The following PTPN13 variants were observed in gnomAD, a reference collection of about 807,000 sequenced individuals.
The protein encoded by PTPN13 is protein tyrosine phosphatase non-receptor type 13.
In PTPN13, 191 loss-of-function variants were observed where a neutral mutation model predicts 284.0. The observed-to-expected ratio is 0.67, with a 90% CI of 0.60 to 0.76. The LOEUF is 0.76. Ranked by LOEUF, PTPN13 falls within the 30% of genes least tolerant of loss-of-function variation. The pLI is 0.00. For synonymous variants in PTPN13, 986 were observed against 1,022.3 expected, an observed-to-expected ratio of 0.96 and a Z score of 0.68; for missense variants, 2,797 against 2,939.9, an observed-to-expected ratio of 0.95 and a Z score of 1.12.
At chr4:86,683,500 G>C (rs1258507016) in intron 3 of PTPN13, among the ~76,000 whole-genome samples, 1 of 152,140 alleles carries the variant, frequency 6.6e-6, no homozygotes, top group African/African-American at 2.4e-5. Context: ...GCCTTCAACT[G>C]ACTGGAAAGG....
intron 6 of PTPN13, among the ~76,000 whole-genome samples, chr4:86,700,255 A>G (rs1324054190): frequency 6.6e-6 from 1 of 152,198 alleles, no homozygotes. Context: ...TCATTATTTT[A>G]TATTGTATAG....
intron 2 of PTPN13, among the ~76,000 whole-genome samples, chr4:86,652,948 T>C (rs1725266919): frequency 6.6e-6 from 1 of 151,996 alleles, no homozygotes; most frequent in Admixed American, 6.6e-5. Context: ...CTTTCTTATT[T>C]TTCCCCCGAC....
At chr4:86,698,107 T>C (rs529760139) in intron 6 of PTPN13, among the ~76,000 whole-genome samples, 2 of 152,308 alleles carry the variant, frequency 1.3e-5, no homozygotes, top group South Asian at 4.1e-4. Context: ...GCAATAATGT[T>C]AATTGGAAAT....
At chr4:86,652,447 G>A (rs1725199072) in intron 2 of PTPN13, among the ~76,000 whole-genome samples, 1 of 152,076 alleles carries the variant, frequency 6.6e-6, no homozygotes, top group Admixed American at 6.6e-5. Context: ...GGCACATCTA[G>A]TGCTACAAAA....
At chr4:86,758,862 T>A in intron 22 of PTPN13, 77 bp downstream of exon 22, 1 of 1,582,994 alleles carries the variant, frequency 6.3e-7, no homozygotes, top group Non-Finnish European at 8.6e-7. Context: ...ACTAAAATAA[T>A]TGAGAAAGAG....
chr4:86,768,759 G>A (rs1455264859), intron 28 of PTPN13, among the ~76,000 whole-genome samples: 4 of 143,980 alleles, frequency 2.8e-5, no homozygotes, highest in African/African-American at 5.2e-5. Context: ...TGCCCAGGCT[G>A]GAGTACAGTG....
intron 2 of PTPN13, among the ~76,000 whole-genome samples, chr4:86,645,719 T>G (rs1724343440): frequency 6.6e-6 from 1 of 152,304 alleles, no homozygotes; most frequent in Middle Eastern, 3.4e-3. Flanking sequence ...CTATGGTGTG[T>G]TCCTGTATCG....
At chr4:86,748,983 A>G (rs1355587578) in intron 17 of PTPN13, among the ~76,000 whole-genome samples, 1 of 152,154 alleles carries the variant, frequency 6.6e-6, no homozygotes, top group African/African-American at 2.4e-5. Context: ...ACAAAGGTGT[A>G]TTTTTAAAAG....
At chr4:86,737,573 C>T (rs568967620) in intron 15 of PTPN13, among the ~76,000 whole-genome samples, 6 of 152,054 alleles carry the variant, frequency 3.9e-5, no homozygotes, top group African/African-American at 1.4e-4. Context: ...ATACATAAAG[C>T]TCCCTCTTGT....
intron 19 of PTPN13, among the ~76,000 whole-genome samples, chr4:86,752,782 CAG>C (rs1445101907): frequency 6.6e-6 from 1 of 152,018 alleles, no homozygotes; most frequent in Non-Finnish European, 1.5e-5. Context: ...AAAGTATTGT[CAG>C]AAACAATATA....
intron 1 of PTPN13, 112 bp downstream of exon 1, chr4:86,594,901 C>T (rs556130141): frequency 1.3e-5 from 2 of 152,642 alleles, no homozygotes; most frequent in East Asian, 3.9e-4. Flanking sequence ...GTCCCTAAAC[C>T]CAACTCCTCG....
chr4:86,688,814 A>G (rs762309857), intron 4 of PTPN13, among the ~76,000 whole-genome samples, 191 bp from the exon 5 acceptor site: 4 of 152,178 alleles, frequency 2.6e-5, no homozygotes, highest in Non-Finnish European at 5.9e-5. Context: ...TAAGTTAACT[A>G]TCTTCTGCTA....
intron 3 of PTPN13, among the ~76,000 whole-genome samples, chr4:86,680,345 ATCTCTATC>A (rs1290256331): frequency 1.5e-5 from 2 of 133,938 alleles, no homozygotes; most frequent in African/African-American, 2.8e-5. Context: ...CTTTCTATCT[ATCTCTATC>A]TATCTATCTA....
chr4:86,613,633 C>CAAAAAAAAAAAAAAAAAAAAAAAAAA, intron 1 of PTPN13, among the ~76,000 whole-genome samples: 1 of 61,532 alleles, frequency 1.6e-5, no homozygotes, highest in African/African-American at 5.8e-5. Context: ...GACTCCGTCT[C>CAAAAAAAAAAAAAAAAAAAAAAAAAA]AAAAAAAAAA....
rs200880272 is a variant in PTPN13 at position 86,785,966 on chromosome 4, A to G, written c.6345+30A>G. The G allele has an allele frequency of 1.0e-4, 131 of 1,278,508 alleles. No individual in the cohort carries two copies. In the Admixed American group the frequency reaches 1.0e-3, roughly 10 times the overall value. 79.2% of individuals were successfully genotyped at this position (1,278,508 alleles called of 1,614,324 possible). The stretch of plus-strand genomic sequence containing the variant: ...CAATAATACCTAAACAACCTAGGAT[A>G]TGACAGCTTGTTACAATTATGGGTT... On this transcript the variant is annotated intron_variant, in intron 40 of 47. Transcript: ENST00000411767.
rs1415791933 is a variant in PTPN13, at chr4:86,594,727, C to T, written c.-68C>T. On this transcript the variant is annotated 5_prime_UTR_variant, in exon 1 of 48. It adds an upstream start codon to the 5' untranslated region. Transcript: ENST00000411767. The stretch of plus-strand genomic sequence containing the variant: ...GGCGGCTGCCGGCGGCCCGCCCCGA[C>T]GCCGCGTCCCTGCAGCCCTCGCCCG... 1 of 152,412 alleles carries T rather than the reference C, an allele frequency of 6.6e-6. No individual in the cohort carries two copies. Among genetic ancestry groups the T allele is most frequent in the Non-Finnish European group, 1.5e-5 (1 of 68,274 alleles). The allele number at this position is 152,412 out of a possible 1,614,324, so 9.4% of individuals were successfully genotyped here.
intron 2 of PTPN13, among the ~76,000 whole-genome samples, chr4:86,670,162 A>G (rs924613436): frequency 3.5e-5 from 5 of 142,088 alleles, no homozygotes; most frequent in African/African-American, 1.1e-4. Flanking sequence ...TTTCTTTTCT[A>G]TCTTAATTCT....
intron 24 of PTPN13, among the ~76,000 whole-genome samples, chr4:86,763,766 T>C (rs1279425569): frequency 6.6e-6 from 1 of 151,914 alleles, no homozygotes; most frequent in Non-Finnish European, 1.5e-5. Context: ...TAAAAAATTA[T>C]CCAGGCAAGG....
chr4:86,655,803 G>A (rs531184197), intron 2 of PTPN13, among the ~76,000 whole-genome samples: 2 of 152,206 alleles, frequency 1.3e-5, no homozygotes, highest in Admixed American at 6.5e-5. Context: ...TGCTAGGTTG[G>A]GGAAGTTCTC....
Sources: gnomAD v4.1 joint callset for allele counts (sites outside exome capture counted in the v4.1 genomes callset) on GRCh38, gnomAD v4.1.1 for gene constraint, MANE v1.5 for transcripts, NCBI Gene and HGNC (gene_info 2026-07-23, HGNC 2026-07-21) for gene names.